NPAS3: variants seen among roughly 807,000 people sequenced by gnomAD.
The protein encoded by NPAS3 is neuronal PAS domain-containing protein 3.
In NPAS3, 14 loss-of-function variants were observed where a neutral mutation model predicts 73.1. That is an observed-to-expected ratio of 0.19 (90% CI 0.13 to 0.30). The LOEUF is 0.30. NPAS3 is among the 10% of genes least tolerant of loss of function. The probability of loss-of-function intolerance (pLI) is 1.00; values close to 1 mark genes in which losing one functional copy is unlikely to be tolerated. For missense variants in NPAS3, 1,096 were observed against 1,250.0 expected (o/e 0.88, Z 1.86); for synonymous variants, 620 against 541.5 (o/e 1.14, Z -2.01).
chr14:33,419,447 C>T (rs1048431890), intron 4 of NPAS3, among the ~76,000 whole-genome samples: 2 of 151,812 alleles, frequency 1.3e-5, no homozygotes, highest in East Asian at 3.9e-4. Context: ...GTAAAGAAAG[C>T]CACAGGAGGC....
intron 7 of NPAS3, among the ~76,000 whole-genome samples, chr14:33,772,881 GA>G (rs1228033038): frequency 6.6e-6 from 1 of 152,068 alleles, no homozygotes; most frequent in Non-Finnish European, 1.5e-5. Context: ...GTGGGTGGTC[GA>G]AAAGCTGCTG....
chr14:33,279,792 A>G (rs1463339179), intron 3 of NPAS3, among the ~76,000 whole-genome samples: 1 of 152,158 alleles, frequency 6.6e-6, no homozygotes, highest in Non-Finnish European at 1.5e-5. Flanking sequence ...AAAGTATTCT[A>G]CCCTGGGAAT....
intron 3 of NPAS3, among the ~76,000 whole-genome samples, chr14:33,330,253 A>G (rs1477840743): frequency 2.0e-5 from 3 of 152,086 alleles, no homozygotes; most frequent in Non-Finnish European, 4.4e-5. Context: ...AAAAACAACA[A>G]CCACAATAAC....
At chr14:33,399,389 T>G (rs2047355254) in intron 4 of NPAS3, among the ~76,000 whole-genome samples, 1 of 152,088 alleles carries the variant, frequency 6.6e-6, no homozygotes, top group Non-Finnish European at 1.5e-5. Context: ...CAGATGTCCC[T>G]GAAAGTATGC....
At chr14:33,108,335 A>G (rs954600687) in intron 2 of NPAS3, among the ~76,000 whole-genome samples, 2 of 151,962 alleles carry the variant, frequency 1.3e-5, no homozygotes, top group Non-Finnish European at 2.9e-5. Context: ...CTGGGACTAC[A>G]GGTGCCCACC....
intron 9 of NPAS3, among the ~76,000 whole-genome samples, chr14:33,793,047 C>G (rs2063408289): frequency 6.6e-6 from 1 of 152,234 alleles, no homozygotes; most frequent in Non-Finnish European, 1.5e-5. Context: ...TACCCAGATA[C>G]AAATCAAATC....
intron 3 of NPAS3, among the ~76,000 whole-genome samples, chr14:33,346,823 C>A (rs1057506372): frequency 1.3e-5 from 2 of 152,150 alleles, no homozygotes; most frequent in African/African-American, 4.8e-5. Flanking sequence ...AGGAAATATC[C>A]TTACCTCATC....
intron 5 of NPAS3, among the ~76,000 whole-genome samples, chr14:33,623,521 T>C (rs1168245949): frequency 6.6e-6 from 1 of 152,218 alleles, no homozygotes; most frequent in Non-Finnish European, 1.5e-5. Flanking sequence ...TGTTTGCGTG[T>C]CTACTGCAGC....
At chr14:33,277,184 C>A (rs559099507) in intron 3 of NPAS3, among the ~76,000 whole-genome samples, 1 of 152,086 alleles carries the variant, frequency 6.6e-6, no homozygotes, top group East Asian at 1.9e-4. Context: ...AAGAAAGACC[C>A]TTATTTCTAT....
At chr14:33,120,148 A>G (rs113690960) in intron 2 of NPAS3, among the ~76,000 whole-genome samples, 53,105 of 151,888 alleles carry the variant, frequency 0.35, 9,733 homozygotes, top group Non-Finnish European at 0.4. Flanking sequence ...TTTAGTAGAG[A>G]TGGGGTTTCA....
intron 2 of NPAS3, among the ~76,000 whole-genome samples, chr14:33,196,025 T>A (rs1038461718): frequency 1.3e-5 from 2 of 152,164 alleles, no homozygotes; most frequent in African/African-American, 2.4e-5. Context: ...AATCCTTTTG[T>A]TTTAAGGTGA....
At chr14:33,088,495 G>A (rs552564664) in intron 2 of NPAS3, among the ~76,000 whole-genome samples, 2 of 152,334 alleles carry the variant, frequency 1.3e-5, no homozygotes, top group East Asian at 3.9e-4. Context: ...GGGGTTAGGG[G>A]TGCCCGCCAT....
At chr14:33,640,193 GAA>G (rs35169453) in intron 5 of NPAS3, among the ~76,000 whole-genome samples, 19 of 145,686 alleles carry the variant, frequency 1.3e-4, no homozygotes, top group African/African-American at 3.7e-4. Context: ...ACCCCCTGTT[GAA>G]AAAAAAAAAA....
intron 3 of NPAS3, among the ~76,000 whole-genome samples, chr14:33,362,757 C>T (rs1315130): frequency 0.14 from 21,770 of 152,054 alleles, 1,831 homozygotes; most frequent in African/African-American, 0.22. Flanking sequence ...TACATTTGCC[C>T]GTGATGCCGT....
intron 5 of NPAS3, among the ~76,000 whole-genome samples, chr14:33,649,648 A>T (rs1406378429): frequency 1.3e-5 from 2 of 152,212 alleles, no homozygotes; most frequent in African/African-American, 4.8e-5. Flanking sequence ...ATGAGGTGGA[A>T]GAAGTGAGCT....
At chr14:33,366,182 C>T (rs1220370929) in intron 3 of NPAS3, among the ~76,000 whole-genome samples, 3 of 152,032 alleles carry the variant, frequency 2.0e-5, no homozygotes, top group Admixed American at 6.6e-5. Context: ...ACGACGCATC[C>T]CTGGAGTCTC....
At chr14:33,044,365 C>T (rs144581167) in intron 1 of NPAS3, among the ~76,000 whole-genome samples, 36 of 152,256 alleles carry the variant, frequency 2.4e-4, no homozygotes, top group Admixed American at 1.2e-3. Flanking sequence ...TGAGGGCAAC[C>T]ATTGTATTTT....
intron 3 of NPAS3, among the ~76,000 whole-genome samples, chr14:33,243,023 A>G (rs2048260949): frequency 6.6e-6 from 1 of 152,102 alleles, no homozygotes; most frequent in African/African-American, 2.4e-5. Flanking sequence ...AATTAAGGGG[A>G]CTGTTTTTTA....
chr14:33,211,521 T>C (rs533408757), intron 2 of NPAS3, among the ~76,000 whole-genome samples: 1 of 152,182 alleles, frequency 6.6e-6, no homozygotes, highest in East Asian at 1.9e-4. Context: ...ACCATTGCAC[T>C]CCAACCTGGG....
Sources: gnomAD v4.1 joint callset for allele counts (sites outside exome capture counted in the v4.1 genomes callset) on GRCh38, gnomAD v4.1.1 for gene constraint, MANE v1.5 for transcripts, NCBI Gene and HGNC (gene_info 2026-07-23, HGNC 2026-07-21) for gene names.